Variants in KDM7A observed in about 807,000 individuals in gnomAD.
The protein encoded by KDM7A is lysine demethylase 7A.
In KDM7A, 28 loss-of-function variants were observed where a neutral mutation model predicts 114.8. That is an observed-to-expected ratio of 0.24 (90% CI 0.18 to 0.33). The LOEUF is 0.33. Among genes scored for constraint, KDM7A ranks in the 10% least tolerant of loss-of-function variants. KDM7A has a pLI of 1.00. For missense variants in KDM7A, 942 were observed against 1,142.5 expected (o/e 0.82, Z 2.53); for synonymous variants, 423 against 397.8 (o/e 1.06, Z -0.75).
chr7:140,168,292 G>C (rs192846051), intron 1 of KDM7A, among the ~76,000 whole-genome samples: 2 of 152,236 alleles, frequency 1.3e-5, no homozygotes, highest in African/African-American at 4.8e-5. Context: ...AAGGTCGGGC[G>C]TGGTGGCTCA....
chr7:140,101,140 T>TA (rs1818218888), intron 12 of KDM7A, among the ~76,000 whole-genome samples: 1 of 152,000 alleles, frequency 6.6e-6, no homozygotes, highest in Non-Finnish European at 1.5e-5. Context: ...TCTTCGATCT[T>TA]ATTCATTTAA....
intron 9 of KDM7A, among the ~76,000 whole-genome samples, chr7:140,118,337 C>T (rs544884677): frequency 6.6e-6 from 1 of 152,174 alleles, no homozygotes; most frequent in South Asian, 2.1e-4. Flanking sequence ...GAAATTCCAC[C>T]TTTTATAAAG....
chr7:140,165,190 G>A (rs1265622019), intron 1 of KDM7A, among the ~76,000 whole-genome samples: 1 of 152,104 alleles, frequency 6.6e-6, no homozygotes, highest in Non-Finnish European at 1.5e-5. Flanking sequence ...ATGCTCTAGA[G>A]ACTCCTATTA....
chr7:140,100,665 T>TATATATATATATACAC (rs1562945826), intron 12 of KDM7A, among the ~76,000 whole-genome samples: 52 of 40,648 alleles, frequency 1.3e-3, no homozygotes, highest in Non-Finnish European at 2.0e-3. Flanking sequence ...AAAAGTTATA[T>TATATATATATATACAC]ATATATATAT....
At chr7:140,117,489 C>T (rs1295951390) in intron 9 of KDM7A, among the ~76,000 whole-genome samples, 1 of 145,560 alleles carries the variant, frequency 6.9e-6, no homozygotes, top group Non-Finnish European at 1.5e-5. Flanking sequence ...TGTGTGTGTT[C>T]GTGGATAGTT....
intron 4 of KDM7A, among the ~76,000 whole-genome samples, chr7:140,128,798 CTCTA>C (rs1363211994): frequency 2.0e-5 from 3 of 152,164 alleles, no homozygotes; most frequent in African/African-American, 4.8e-5. Context: ...CTCAAATATT[CTCTA>C]TCTACTGCTG....
Position 140,113,560 on chromosome 7 carries a change from C to A in KDM7A, c.1269G>T (p.Gln423His). Residue 423 changes from glutamine (Q) to histidine (H), a missense_variant, in exon 10 of 20, where the codon CAG becomes CAT. By Grantham distance (24) the Gln-to-His change is conservative. Around this residue, in one of 4 missense-constraint regions of KDM7A, gnomAD observed 318 missense variants for 453.1 expected, o/e 0.70. Transcript: ENST00000397560. Reference protein sequence around the residue: ...TLKELREDGFQPQTYLVQGVK... With the variant: ...TLKELREDGFHPQTYLVQGVK... ...CTCCCTGTACTAGGTAAGTTTGAGG[C>A]TGGAAACCATCTTCTCTCAGTTCTG... The A allele has an allele frequency of 6.3e-7, 1 of 1,598,900 alleles. No homozygotes were observed. Among genetic ancestry groups the A allele is most frequent in the Non-Finnish European group, 8.6e-7 (1 of 1,168,188 alleles).
At chr7:140,131,403 T>A (rs1818784484) in intron 3 of KDM7A, among the ~76,000 whole-genome samples, 1 of 152,166 alleles carries the variant, frequency 6.6e-6, no homozygotes, top group African/African-American at 2.4e-5. Context: ...CACAATAGTC[T>A]CCACTTATAC....
intron 1 of KDM7A, among the ~76,000 whole-genome samples, chr7:140,148,667 T>C (rs537650476): frequency 2.3e-4 from 35 of 152,330 alleles, no homozygotes; most frequent in African/African-American, 8.2e-4. Flanking sequence ...GTTTTAACCC[T>C]GAGACAGATC....
intron 10 of KDM7A, among the ~76,000 whole-genome samples, chr7:140,111,448 C>T (rs1818430001): frequency 6.6e-6 from 1 of 152,178 alleles, no homozygotes; most frequent in South Asian, 2.1e-4. Flanking sequence ...ACCTTGTACT[C>T]TACTCCTCAA....
chr7:140,161,611 GATCTC>G (rs1794520065), intron 1 of KDM7A, among the ~76,000 whole-genome samples: 4 of 151,726 alleles, frequency 2.6e-5, no homozygotes, highest in Admixed American at 2.6e-4. Context: ...GCTGTGGCGT[GATCTC>G]GGCTCACTGC....
At chr7:140,110,229 T>C (rs1818410048) in intron 11 of KDM7A, among the ~76,000 whole-genome samples, 1 of 152,210 alleles carries the variant, frequency 6.6e-6, no homozygotes, top group Admixed American at 6.5e-5. Context: ...TTATTCTTCA[T>C]GTTGGTTATC....
chr7:140,100,714 A>ATGTG (rs1562946064), intron 12 of KDM7A, among the ~76,000 whole-genome samples: 1 of 27,194 alleles, frequency 3.7e-5, no homozygotes, highest in Non-Finnish European at 1.1e-4. Flanking sequence ...ATATACACAT[A>ATGTG]TATATATATA....
intron 9 of KDM7A, among the ~76,000 whole-genome samples, chr7:140,114,220 G>C (rs931968590): frequency 6.6e-6 from 1 of 152,046 alleles, no homozygotes; most frequent in Non-Finnish European, 1.5e-5. Context: ...GATGCCAAGC[G>C]GAAGCTGGAC....
chr7:140,095,021 T>C (rs1224314436), intron 17 of KDM7A, among the ~76,000 whole-genome samples: 1 of 152,218 alleles, frequency 6.6e-6, no homozygotes, highest in Non-Finnish European at 1.5e-5. Flanking sequence ...CTAATTTTTG[T>C]ATTTTTACTA....
intron 9 of KDM7A, among the ~76,000 whole-genome samples, chr7:140,115,732 CTAT>C (rs1818515790): frequency 6.6e-6 from 1 of 151,298 alleles, no homozygotes; most frequent in South Asian, 2.1e-4. Flanking sequence ...CTTCCCTCCA[CTAT>C]TGTCCCATGA....
chr7:140,118,584 T>TC (rs1307722147), intron 9 of KDM7A, among the ~76,000 whole-genome samples: 1 of 151,380 alleles, frequency 6.6e-6, no homozygotes, highest in Non-Finnish European at 1.5e-5. Context: ...TTTTGTATTT[T>TC]TTTTTTTTTT....
chr7:140,118,089 A>C (rs1818560374), intron 9 of KDM7A, among the ~76,000 whole-genome samples: 2 of 152,372 alleles, frequency 1.3e-5, no homozygotes, highest in Admixed American at 6.5e-5. Flanking sequence ...ATGGAAAAAG[A>C]AGCAAATGTT....
chr7:140,110,386 TAC>T (rs1818411910), intron 11 of KDM7A, among the ~76,000 whole-genome samples: 2 of 152,200 alleles, frequency 1.3e-5, no homozygotes, highest in African/African-American at 4.8e-5. Flanking sequence ...CATTGAGAAT[TAC>T]ACATTCTATC....
Sources: gnomAD v4.1 joint callset for allele counts (sites outside exome capture counted in the v4.1 genomes callset) on GRCh38, gnomAD v4.1.1 for gene constraint, gnomAD v4.1.1 regional missense constraint, MANE v1.5 for transcripts, NCBI Gene and HGNC (gene_info 2026-07-23, HGNC 2026-07-21) for gene names.